GRIN3A: variants seen among roughly 807,000 people sequenced by gnomAD.
GRIN3A encodes glutamate receptor ionotropic, NMDA 3A.
GRIN3A carries 47 observed loss-of-function variants against 92.4 expected under a neutral mutation model. The observed-to-expected ratio is 0.51, with a 90% CI of 0.40 to 0.65. GRIN3A has a LOEUF of 0.65. Ranked by LOEUF, GRIN3A falls within the 30% of genes least tolerant of loss-of-function variation. The probability of loss-of-function intolerance (pLI) is 0.00; values close to 1 mark genes in which losing one functional copy is unlikely to be tolerated. For missense variants in GRIN3A, 1,324 were observed against 1,393.1 expected (o/e 0.95, Z 0.79); for synonymous variants, 527 against 540.6 (o/e 0.97, Z 0.35).
intron 2 of GRIN3A, among the ~76,000 whole-genome samples, chr9:101,685,731 CAAAT>C (rs981206530): frequency 6.0e-5 from 9 of 149,996 alleles, no homozygotes; most frequent in South Asian, 2.1e-4. Flanking sequence ...AATGTATAAA[CAAAT>C]AAATAATATT....
At chr9:101,597,982 A>G (rs1326988612) in intron 6 of GRIN3A, among the ~76,000 whole-genome samples, 1 of 152,198 alleles carries the variant, frequency 6.6e-6, no homozygotes, top group Non-Finnish European at 1.5e-5. Context: ...GAATAATTCA[A>G]CAGCAAAAAC....
intron 6 of GRIN3A, among the ~76,000 whole-genome samples, chr9:101,582,434 C>T (rs576072240): frequency 2.0e-5 from 3 of 152,228 alleles, no homozygotes; most frequent in East Asian, 1.9e-4. Context: ...GAATGCAGGC[C>T]GAAGCCCAGC....
chr9:101,730,150 A>T (rs897008025), intron 1 of GRIN3A, among the ~76,000 whole-genome samples: 1 of 152,134 alleles, frequency 6.6e-6, no homozygotes, highest in Non-Finnish European at 1.5e-5. Flanking sequence ...TGGACTTCAA[A>T]GTTCACTTCT....
At chr9:101,732,257 T>A (rs1350621395) in intron 1 of GRIN3A, among the ~76,000 whole-genome samples, 1 of 152,064 alleles carries the variant, frequency 6.6e-6, no homozygotes, top group East Asian at 1.9e-4. Flanking sequence ...ATGAAAAAAT[T>A]TGGATGTTTG....
intron 3 of GRIN3A, among the ~76,000 whole-genome samples, chr9:101,629,675 T>C (rs923947183): frequency 6.6e-6 from 1 of 152,230 alleles, no homozygotes; most frequent in Non-Finnish European, 1.5e-5. Flanking sequence ...ATAATAACAA[T>C]ACTTAACATT....
intron 2 of GRIN3A, among the ~76,000 whole-genome samples, chr9:101,684,617 A>G (rs1429765421): frequency 6.6e-6 from 1 of 152,204 alleles, no homozygotes; most frequent in Non-Finnish European, 1.5e-5. Context: ...AAGGAAGAAC[A>G]TAATTTTAAT....
At chr9:101,580,792 G>A (rs1160218838) in intron 6 of GRIN3A, among the ~76,000 whole-genome samples, 2 of 152,236 alleles carry the variant, frequency 1.3e-5, no homozygotes, top group Non-Finnish European at 2.9e-5. Context: ...AAGTGGCAAA[G>A]TTGGTCTTTC....
intron 3 of GRIN3A, among the ~76,000 whole-genome samples, chr9:101,636,333 AG>A (rs1828785241): frequency 6.6e-6 from 1 of 152,222 alleles, no homozygotes; most frequent in Non-Finnish European, 1.5e-5. Context: ...TAATGATAAT[AG>A]CTAATCTTTA....
chr9:101,576,981 C>G (rs1588233785), intron 8 of GRIN3A, among the ~76,000 whole-genome samples: 1 of 152,288 alleles, frequency 6.6e-6, no homozygotes, highest in East Asian at 1.9e-4. Flanking sequence ...TTGCCTTAGG[C>G]AGCAGGCAGC....
intron 6 of GRIN3A, among the ~76,000 whole-genome samples, chr9:101,583,910 G>A (rs574295332): frequency 6.6e-6 from 1 of 152,126 alleles, no homozygotes; most frequent in Admixed American, 6.5e-5. Context: ...ATACTAGAGT[G>A]CAATGGCACA....
At position 101,622,995 on chromosome 9, in the gene GRIN3A, A is replaced by AACACACACACACACAC. The variant is rs5899450; in HGVS notation, c.2614+307_2614+322dup. 1.4e-3 allele frequency among the ~76,000 whole-genome samples: 207 copies of AACACACACACACACAC among 147,532 alleles called. 2 individuals are homozygous for AACACACACACACACAC. Among genetic ancestry groups the AACACACACACACACAC allele is most frequent in the Admixed American group, 3.1e-3 (46 of 14,660 alleles). Reference sequence around the variant, plus strand: ...AGCACATAGCAACACCCTGCCACTAAACACACACACACACACACACACACA... The same window carrying AACACACACACACACAC: ...AGCACATAGCAACACCCTGCCACTAAACACACACACACACACACACACACACACACACACACACACA... On this transcript the variant is annotated intron_variant, in intron 5 of 8. Coordinates refer to ENST00000361820, the MANE Select transcript of GRIN3A (RefSeq NM_133445.3).
intron 6 of GRIN3A, among the ~76,000 whole-genome samples, chr9:101,598,477 C>T (rs190843051): frequency 1.3e-5 from 2 of 152,202 alleles, no homozygotes; most frequent in African/African-American, 4.8e-5. Flanking sequence ...AATGGGACAA[C>T]CCAACATCAA....
Position 101,608,098 on chromosome 9 carries a change from C to T in GRIN3A, c.2766+5278G>A, listed in dbSNP as rs1828310248. ...ATCATTACAAAATAGTTTCCTGTTC[C>T]ATAGACCAGGATACACCATACAGCC... On this transcript the variant is annotated intron_variant, in intron 6 of 8. Transcript: ENST00000361820. Among the ~76,000 whole-genome samples the T allele has an allele frequency of 3.3e-5, 5 of 152,148 alleles. No homozygotes were observed. The South Asian group carries it at 8.3e-4, about 25-fold the overall frequency.
intron 5 of GRIN3A, among the ~76,000 whole-genome samples, chr9:101,620,371 C>T (rs986015530): frequency 6.6e-6 from 1 of 152,096 alleles, no homozygotes; most frequent in East Asian, 1.9e-4. Flanking sequence ...ACTTCATGAC[C>T]TAATACCATC....
chr9:101,613,330 G>C, intron 6 of GRIN3A, 46 bp downstream of exon 6: 1 of 1,599,036 alleles, frequency 6.3e-7, no homozygotes, highest in Middle Eastern at 1.7e-4. Flanking sequence ...TGTTCTCTGA[G>C]GTACAGCTAT....
At chr9:101,734,270 T>G (rs756155617) in intron 1 of GRIN3A, among the ~76,000 whole-genome samples, 1 of 152,162 alleles carries the variant, frequency 6.6e-6, no homozygotes, top group African/African-American at 2.4e-5. Context: ...TAGGTTCATA[T>G]TCAGCATCAT....
chr9:101,618,390 A>G (rs1197324893), intron 5 of GRIN3A, among the ~76,000 whole-genome samples: 4 of 152,174 alleles, frequency 2.6e-5, no homozygotes, highest in African/African-American at 9.7e-5. Context: ...GGCAAAGGAC[A>G]TGAACAGACA....
intron 8 of GRIN3A, among the ~76,000 whole-genome samples, 191 bp from the exon 9 acceptor site, chr9:101,573,704 C>A (rs566876394): frequency 6.7e-6 from 1 of 149,532 alleles, no homozygotes; most frequent in Non-Finnish European, 1.5e-5. Context: ...TACAAAAGTT[C>A]AAGTCCCATG....
Position 101,573,318 on chromosome 9 carries a change from T to A in GRIN3A, c.3204A>T (p.Leu1068=), listed in dbSNP as rs909220973. 6.2e-7 allele frequency: 1 copy of A among 1,613,936 alleles called. No individual in the cohort carries two copies. The highest frequency in any genetic ancestry group is 1.3e-5 in the African/African-American group (1 of 74,914). Residue 1068 remains leucine, a synonymous_variant, in exon 9 of 9, where the codon CTA becomes CTT. Coordinates refer to ENST00000361820, the MANE Select transcript of GRIN3A (RefSeq NM_133445.3). The part of the protein sequence containing the change: ...LRTTNGKADS[L]NVSRNSVMQE... ...GCATCACTGAGTTCCGAGATACATT[T>A]AGGGAGTCTGCTTTCCCATTGGTGG...
Sources: allele counts gnomAD v4.1 joint callset (sites outside exome capture counted in the v4.1 genomes callset), GRCh38; gene constraint gnomAD v4.1.1; transcripts MANE v1.5; gene names NCBI Gene and HGNC (gene_info 2026-07-23, HGNC 2026-07-21).